CSMD1: variants seen among roughly 807,000 people sequenced by gnomAD.
CSMD1 encodes the protein CUB and Sushi multiple domains 1, also known as CUB and sushi domain-containing protein 1.
CSMD1 carries 213 observed loss-of-function variants against 417.5 expected under a neutral mutation model. The ratio of observed to expected loss-of-function variants is 0.51; its 90% CI spans 0.46 to 0.57. The LOEUF (loss-of-function observed/expected upper bound fraction) is 0.57, where lower values mean the gene tolerates loss of function less well. Ranked by LOEUF, CSMD1 falls within the 20% of genes least tolerant of loss-of-function variation. The probability of loss-of-function intolerance (pLI) is 0.00; values close to 1 mark genes in which losing one functional copy is unlikely to be tolerated. For missense variants in CSMD1, 6,923 were observed against 4,529.7 expected (o/e 1.53, Z -15.17); for synonymous variants, 2,862 against 1,736.8 (o/e 1.65, Z -16.11).
intron 49 of CSMD1, among the ~76,000 whole-genome samples, chr8:3,073,643 C>A (rs1196936637): frequency 6.6e-6 from 1 of 152,040 alleles, no homozygotes; most frequent in African/African-American, 2.4e-5. Context: ...TGTTTCAATT[C>A]ATAGACTATA....
intron 3 of CSMD1, among the ~76,000 whole-genome samples, chr8:4,270,542 G>C (rs571374486): frequency 6.6e-6 from 1 of 152,090 alleles, no homozygotes; most frequent in South Asian, 2.1e-4. Context: ...GCTGTGACTA[G>C]TACAGCTTGA....
chr8:4,483,884 G>C (rs183097065), intron 2 of CSMD1, among the ~76,000 whole-genome samples: 1 of 152,238 alleles, frequency 6.6e-6, no homozygotes, highest in Admixed American at 6.5e-5. Flanking sequence ...AGTCAAAAAT[G>C]AACCGAAAGG....
chr8:3,151,719 A>C (rs1819206609), intron 39 of CSMD1, among the ~76,000 whole-genome samples: 1 of 152,194 alleles, frequency 6.6e-6, no homozygotes, highest in Non-Finnish European at 1.5e-5. Flanking sequence ...CTTTAGAATA[A>C]AGACCATTTT....
chr8:4,605,763 C>T (rs768030182), intron 2 of CSMD1, among the ~76,000 whole-genome samples: 11 of 152,294 alleles, frequency 7.2e-5, no homozygotes, highest in African/African-American at 2.2e-4. Context: ...AATCAATTTA[C>T]GCTGCCATTG....
chr8:3,760,785 C>T (rs1011311996), intron 5 of CSMD1, among the ~76,000 whole-genome samples: 3 of 152,156 alleles, frequency 2.0e-5, no homozygotes, highest in Non-Finnish European at 4.4e-5. Flanking sequence ...GGTCCCTCTG[C>T]AGTTAAGTCT....
In CSMD1 at chr8:4,172,778, C is replaced by G. The variant is rs185874441; in HGVS notation, c.416-140679G>C. ...CCACCTCTTTCTTGGATCCCTTACC[C>G]ACAGAGAAGCCTATCCCATGTCTTT... On this transcript the variant is annotated intron_variant, in intron 3 of 69. Transcript: ENST00000635120. Among the ~76,000 whole-genome samples, 5 of 152,224 alleles carry G rather than the reference C, an allele frequency of 3.3e-5. No individual in the cohort carries two copies. The East Asian group carries it at 7.7e-4, about 24-fold the overall frequency.
At chr8:3,334,750 T>A (rs930303428) in intron 23 of CSMD1, among the ~76,000 whole-genome samples, 1 of 152,228 alleles carries the variant, frequency 6.6e-6, no homozygotes, top group African/African-American at 2.4e-5. Context: ...TCTTTTTTAT[T>A]TCACATTGAA....
At chr8:3,891,858 C>CA (rs1274249843) in intron 5 of CSMD1, among the ~76,000 whole-genome samples, 2 of 151,714 alleles carry the variant, frequency 1.3e-5, no homozygotes, top group African/African-American at 2.4e-5. Flanking sequence ...AAAGCTTGCC[C>CA]AAAAAAAGGC....
At chr8:4,429,741 G>A (rs1797764560) in intron 2 of CSMD1, among the ~76,000 whole-genome samples, 1 of 152,100 alleles carries the variant, frequency 6.6e-6, no homozygotes, top group Non-Finnish European at 1.5e-5. Flanking sequence ...GTAACCCACA[G>A]CCGTATGCTG....
intron 12 of CSMD1, among the ~76,000 whole-genome samples, chr8:3,438,849 C>G (rs1050809818): frequency 5.3e-5 from 8 of 151,878 alleles, no homozygotes; most frequent in African/African-American, 1.9e-4. Context: ...GGTGTGGTGG[C>G]TTGCACCTGT....
intron 3 of CSMD1, among the ~76,000 whole-genome samples, chr8:4,051,885 T>TTCC (rs1554429031): frequency 0.23 from 13,738 of 59,314 alleles, 769 homozygotes; most frequent in Non-Finnish European, 0.28. Context: ...CCTTTCTTCC[T>TTCC]TCCTTCCTTC....
intron 18 of CSMD1, among the ~76,000 whole-genome samples, chr8:3,376,057 T>C (rs1446220377): frequency 6.6e-6 from 1 of 152,076 alleles, no homozygotes; most frequent in Non-Finnish European, 1.5e-5. Context: ...TACTTCATTG[T>C]GTGATTTTTA....
At chr8:4,121,592 A>C (rs553004524) in intron 3 of CSMD1, among the ~76,000 whole-genome samples, 1 of 151,380 alleles carries the variant, frequency 6.6e-6, no homozygotes, top group South Asian at 2.1e-4. Context: ...TCAAAAGAGA[A>C]GTAAATCATG....
At chr8:4,295,083 C>T (rs1284159938) in intron 3 of CSMD1, among the ~76,000 whole-genome samples, 5 of 145,668 alleles carry the variant, frequency 3.4e-5, no homozygotes, top group Admixed American at 1.4e-4. Flanking sequence ...CACATATAAT[C>T]TTAAGATTAC....
At chr8:4,802,100 T>G (rs1170968117) in intron 1 of CSMD1, among the ~76,000 whole-genome samples, 1 of 152,234 alleles carries the variant, frequency 6.6e-6, no homozygotes, top group East Asian at 1.9e-4. Context: ...ATATTAAGTG[T>G]CCACAGACAG....
At chr8:4,797,469 T>C (rs752442855) in intron 1 of CSMD1, among the ~76,000 whole-genome samples, 2 of 152,200 alleles carry the variant, frequency 1.3e-5, no homozygotes, top group African/African-American at 2.4e-5. Flanking sequence ...GTTTTTATTA[T>C]GTTGGCGCAA....
intron 7 of CSMD1, among the ~76,000 whole-genome samples, chr8:3,623,625 A>G (rs992811206): frequency 2.0e-5 from 3 of 152,188 alleles, no homozygotes; most frequent in Non-Finnish European, 4.4e-5. Flanking sequence ...CAGGCTATGA[A>G]TTGTTAATAT....
intron 3 of CSMD1, among the ~76,000 whole-genome samples, chr8:4,392,003 C>G (rs188287273): frequency 2.6e-5 from 4 of 152,138 alleles, no homozygotes; most frequent in African/African-American, 9.7e-5. Flanking sequence ...AAGCATCAAT[C>G]CTAAACTTGT....
rs56272726 is a variant in CSMD1, at chr8:3,709,680, G to GTTTTTTTTTTT, written c.932-1200_932-1190dup. Among the ~76,000 whole-genome samples the GTTTTTTTTTTT allele has an allele frequency of 5.3e-3, 179 of 33,638 alleles. 30 individuals carry two copies. The highest frequency in any genetic ancestry group is 0.016 in the Middle Eastern group (1 of 62). 22.1% of individuals were successfully genotyped at this position (33,638 alleles called of 152,430 possible). A position where few individuals can be genotyped will look rare whatever the true frequency, so the allele number is the denominator to read the frequency against. On this transcript the variant is annotated intron_variant, in intron 6 of 69. Transcript: ENST00000635120. ...GATGGGCTTTAAATTGCAGCAGCATGTTTTTTTTTTTTTTTTTTTTTTTTT... is the reference window on the plus strand; with the variant it reads ...GATGGGCTTTAAATTGCAGCAGCATGTTTTTTTTTTTTTTTTTTTTTTTTTTTTTTTTTTTT...
Sources: gnomAD v4.1 joint callset for allele counts (sites outside exome capture counted in the v4.1 genomes callset) on GRCh38, gnomAD v4.1.1 for gene constraint, MANE v1.5 for transcripts, NCBI Gene and HGNC (gene_info 2026-07-23, HGNC 2026-07-21) for gene names.